Variants in ZCWPW2 observed in about 807,000 individuals in gnomAD.
ZCWPW2 encodes the protein zinc finger CW-type and PWWP domain containing 2.
In ZCWPW2, 45 loss-of-function variants were observed where a neutral mutation model predicts 46.6. The ratio of observed to expected loss-of-function variants is 0.96; its 90% CI spans 0.76 to 1.24. The LOEUF (loss-of-function observed/expected upper bound fraction) is 1.24, where lower values mean the gene tolerates loss of function less well. Ranked by LOEUF, ZCWPW2 falls within the 50% of genes most tolerant of loss-of-function variation. The probability of loss-of-function intolerance (pLI) is 0.00; values close to 1 mark genes in which losing one functional copy is unlikely to be tolerated. For missense variants in ZCWPW2, 429 were observed against 403.9 expected, an observed-to-expected ratio of 1.06 and a Z score of -0.53; for synonymous variants, 152 against 137.1, an observed-to-expected ratio of 1.11 and a Z score of -0.76.
chr3:28,434,377 A>T (rs1412591416), intron 3 of ZCWPW2, among the ~76,000 whole-genome samples: 1 of 152,238 alleles, frequency 6.6e-6, no homozygotes, highest in Non-Finnish European at 1.5e-5. Flanking sequence ...AAAAAGTAGA[A>T]TAGAATGGGT....
intron 8 of ZCWPW2, among the ~76,000 whole-genome samples, chr3:28,519,480 A>C (rs2125838026): frequency 6.6e-6 from 1 of 152,350 alleles, no homozygotes; most frequent in African/African-American, 2.4e-5. Context: ...CAGTACTGTA[A>C]TGACAACCAA....
rs142702750 is a variant in ZCWPW2, at chr3:28,356,853, G to A, written c.-134+7650G>A. On this transcript the variant is annotated intron_variant, in intron 1 of 9. Coordinates refer to ENST00000383768, the MANE Select transcript of ZCWPW2 (RefSeq NM_001040432.4). Reference sequence around the variant, plus strand: ...GGAACACTACACACCAGGGCCTGTCGTGGGGTGGGAGAAGGGGGGAAGGAT... The same window carrying A: ...GGAACACTACACACCAGGGCCTGTCATGGGGTGGGAGAAGGGGGGAAGGAT... Among the ~76,000 whole-genome samples the A allele has an allele frequency of 1.6e-4, 24 of 152,172 alleles. No homozygotes were observed. The South Asian group carries it at 2.1e-3, about 13-fold the overall frequency.
chr3:28,453,152 G>A (rs1221589477), intron 4 of ZCWPW2, among the ~76,000 whole-genome samples: 3 of 152,198 alleles, frequency 2.0e-5, no homozygotes, highest in Non-Finnish European at 4.4e-5. Context: ...TTGTTTGATG[G>A]AATTTGGAAG....
At position 28,435,154 on chromosome 3, in the gene ZCWPW2, T is replaced by C. The variant is rs1322426725; in HGVS notation, c.377T>C (p.Val126Ala). 2 of 1,613,116 alleles carry C rather than the reference T, an allele frequency of 1.2e-6. No individual in the cohort carries two copies. Among genetic ancestry groups the C allele is most frequent in the African/African-American group, 2.7e-5 (2 of 74,910 alleles). The change falls in exon 4 of 10, where the codon GTA (valine) becomes GCA (alanine). Residue 126 changes from valine (V) to alanine (A), a missense_variant. By Grantham distance (64) the Val-to-Ala change is moderately conservative (BLOSUM62 0). Transcript: ENST00000383768. The part of the protein sequence containing the change: ...LCPDRFKGKY[V>A]TYDPDGNVEE... ...CCTGACCGTTTTAAAGGGAAATATG[T>C]AACTTATGACCCGGATGGAAATGTT...
intron 2 of ZCWPW2, among the ~76,000 whole-genome samples, chr3:28,392,499 G>T (rs1255364244): frequency 1.3e-5 from 2 of 152,272 alleles, no homozygotes; most frequent in African/African-American, 4.8e-5. Context: ...CTATCCAACA[G>T]TAGCACAAAA....
chr3:28,468,937 A>G (rs1485091105), intron 4 of ZCWPW2, among the ~76,000 whole-genome samples: 1 of 152,194 alleles, frequency 6.6e-6, no homozygotes, highest in Non-Finnish European at 1.5e-5. Context: ...TAACACTGTT[A>G]ACTGTGTTGT....
intron 7 of ZCWPW2, among the ~76,000 whole-genome samples, chr3:28,514,940 T>C (rs1296373067): frequency 6.6e-6 from 1 of 152,138 alleles, no homozygotes; most frequent in Admixed American, 6.6e-5. Context: ...GATGAATAAC[T>C]AAATTTTAAA....
chr3:28,353,205 A>G (rs1704620266), intron 1 of ZCWPW2, among the ~76,000 whole-genome samples: 2 of 152,204 alleles, frequency 1.3e-5, no homozygotes, highest in South Asian at 4.1e-4. Context: ...AATCCTTTAT[A>G]TATTTTATGA....
chr3:28,373,764 C>T (rs1239889966), intron 1 of ZCWPW2, among the ~76,000 whole-genome samples: 10 of 152,038 alleles, frequency 6.6e-5, no homozygotes, highest in African/African-American at 1.7e-4. Flanking sequence ...TGTGACCCAC[C>T]GCACCTGGCT....
chr3:28,352,431 C>T (rs1403614385), intron 1 of ZCWPW2, among the ~76,000 whole-genome samples: 8 of 152,016 alleles, frequency 5.3e-5, no homozygotes, highest in Admixed American at 5.2e-4. Context: ...CATCTTTTTG[C>T]TTTCCTCTTT....
intron 4 of ZCWPW2, among the ~76,000 whole-genome samples, chr3:28,439,899 G>C (rs999610020): frequency 2.0e-5 from 3 of 152,172 alleles, no homozygotes; most frequent in Non-Finnish European, 2.9e-5. Context: ...TGGTCATGTG[G>C]TTGTAGCTGG....
At chr3:28,430,599 G>C (rs543102783) in intron 3 of ZCWPW2, among the ~76,000 whole-genome samples, 5 of 152,112 alleles carry the variant, frequency 3.3e-5, no homozygotes, top group Non-Finnish European at 5.9e-5. Context: ...TGAGGGGCCC[G>C]TGGCAGAATG....
intron 7 of ZCWPW2, among the ~76,000 whole-genome samples, chr3:28,515,267 A>T (rs755790287): frequency 2.6e-5 from 4 of 152,158 alleles, no homozygotes; most frequent in Non-Finnish European, 5.9e-5. Context: ...TTCTTTATAT[A>T]ATGACAGTAA....
intron 5 of ZCWPW2, among the ~76,000 whole-genome samples, chr3:28,479,280 A>G (rs115223312): frequency 0.012 from 1,820 of 152,326 alleles, 42 homozygotes; most frequent in African/African-American, 0.041. Flanking sequence ...TCCTGGCATT[A>G]AAATTTCACT....
chr3:28,482,311 A>G (rs1699453908), intron 5 of ZCWPW2, among the ~76,000 whole-genome samples: 1 of 152,066 alleles, frequency 6.6e-6, no homozygotes, highest in Non-Finnish European at 1.5e-5. Flanking sequence ...TCTTCCGTGT[A>G]TTTGCATGGC....
chr3:28,511,297 G>A (rs766012085), intron 6 of ZCWPW2, among the ~76,000 whole-genome samples: 9 of 151,980 alleles, frequency 5.9e-5, no homozygotes, highest in Non-Finnish European at 8.8e-5. Flanking sequence ...AGTGAGTTTC[G>A]AACAAAATTA....
At chr3:28,412,988 G>T in intron 2 of ZCWPW2, 68 bp from the exon 3 acceptor site, 2 of 1,268,076 alleles carry the variant, frequency 1.6e-6, no homozygotes, top group Non-Finnish European at 2.1e-6. Context: ...TCTGATTTTT[G>T]GTTTGAATTT....
rs915031706 is a variant in ZCWPW2, at chr3:28,417,201, G to T, written c.332+3801G>T. 9.2e-5 allele frequency among the ~76,000 whole-genome samples: 14 copies of T among 151,942 alleles called. No individual in the cohort carries two copies. The East Asian group carries it at 2.5e-3, about 27-fold the overall frequency. ...AGGGGATATCACCACTGATCCCACA[G>T]AAATACAAACTACCATCAGAGAATA... is the stretch of plus-strand genomic sequence containing the variant. On this transcript the variant is annotated intron_variant, in intron 3 of 9. Coordinates refer to ENST00000383768, the MANE Select transcript of ZCWPW2 (RefSeq NM_001040432.4).
Position 28,393,993 on chromosome 3 carries a change from T to A in ZCWPW2, c.-14+3376T>A, listed in dbSNP as rs536309625. Among the ~76,000 whole-genome samples, 3 of 152,290 alleles carry A rather than the reference T, an allele frequency of 2.0e-5. No homozygotes were observed. The East Asian group carries it at 5.8e-4, about 29-fold the overall frequency. ...ATAAAAAAAGGAAGATGTAAAATTA[T>A]CTCTGTTTCCAGAGGACATGACATT... On this transcript the variant is annotated intron_variant, in intron 2 of 9. Coordinates refer to ENST00000383768, the MANE Select transcript of ZCWPW2 (RefSeq NM_001040432.4).
Sources: gnomAD v4.1 joint callset for allele counts (sites outside exome capture counted in the v4.1 genomes callset) on GRCh38, gnomAD v4.1.1 for gene constraint, MANE v1.5 for transcripts, NCBI Gene and HGNC (gene_info 2026-07-23, HGNC 2026-07-21) for gene names.